PCDHGA4: variants seen among roughly 807,000 people sequenced by gnomAD.
PCDHGA4 encodes the protein protocadherin gamma-A4.
A neutral mutation model predicts 54.6 loss-of-function variants in PCDHGA4; 38 were observed. The ratio of observed to expected loss-of-function variants is 0.70; its 90% CI spans 0.54 to 0.91. The LOEUF (loss-of-function observed/expected upper bound fraction) is 0.91, where lower values mean the gene tolerates loss of function less well. Ranked by LOEUF, PCDHGA4 falls within the 40% of genes least tolerant of loss-of-function variation. PCDHGA4 has a pLI of 0.00. For synonymous variants in PCDHGA4, 511 were observed against 512.9 expected (o/e 1.00, Z 0.05); for missense variants, 1,298 against 1,220.9 (o/e 1.06, Z -0.94).
intron 1 of PCDHGA4, among the ~76,000 whole-genome samples, chr5:141,483,373 G>A (rs1410856257): frequency 6.6e-6 from 1 of 152,166 alleles, no homozygotes; most frequent in Admixed American, 6.5e-5. Flanking sequence ...TGCAATATTT[G>A]AAGAGAAGAT....
chr5:141,404,000 A>T (rs758512396), intron 1 of PCDHGA4: 2 of 1,613,956 alleles, frequency 1.2e-6, no homozygotes, highest in South Asian at 1.1e-5. Context: ...AGTGACCATT[A>T]CATCTCTGTT....
chr5:141,490,345 G>GT lies in PCDHGA4; in HGVS notation c.2515-4461dup, dbSNP rs1363310763. The GT allele has an allele frequency of 6.2e-7, 1 of 1,614,216 alleles. No individual in the cohort carries two copies. The highest frequency in any genetic ancestry group is 2.2e-5 in the East Asian group (1 of 44,886). ...AGAGAGCACACCAGTGGGCACAGTAGTGGGGTTGTTTAATGTGCGAGACCG... is the reference window on the plus strand; with the variant it reads ...AGAGAGCACACCAGTGGGCACAGTAGTTGGGGTTGTTTAATGTGCGAGACCG... On this transcript the variant is annotated intron_variant, in intron 1 of 3. Transcript: ENST00000571252. This position sits in a 1 kb window ranked among gnomAD's most constrained non-coding sequence, Gnocchi z 5.4.
At chr5:141,408,156 T>G (rs1270401832) in intron 1 of PCDHGA4, 2 of 1,512,436 alleles carry the variant, frequency 1.3e-6, no homozygotes, top group East Asian at 2.5e-5. Flanking sequence ...TAGAGTGCAC[T>G]TTCTCCAACT....
intron 1 of PCDHGA4, among the ~76,000 whole-genome samples, chr5:141,482,592 C>T (rs187714622): frequency 1.0e-4 from 15 of 142,934 alleles, no homozygotes; most frequent in East Asian, 6.1e-4. Context: ...TGGGACCAAA[C>T]GGGAAAAAAC....
At chr5:141,361,662 G>A (rs377204571) in intron 1 of PCDHGA4, 3 of 1,613,714 alleles carry the variant, frequency 1.9e-6, no homozygotes, top group Non-Finnish European at 2.5e-6. Context: ...CCGTGAGCGC[G>A]CAGAGCGGGG....
chr5:141,404,617 G>A (rs760355068), intron 1 of PCDHGA4: 4 of 1,614,032 alleles, frequency 2.5e-6, no homozygotes, highest in Non-Finnish European at 2.5e-6. Flanking sequence ...TTTTGGACCA[G>A]AATGACAATG....
At chr5:141,426,492 T>A (rs1439487321) in intron 1 of PCDHGA4, 11 of 336,712 alleles carry the variant, frequency 3.3e-5, no homozygotes, top group South Asian at 2.6e-4. Flanking sequence ...TTAGAGTTAG[T>A]GCAGAGAAAC....
In PCDHGA4 at chr5:141,405,021, C is replaced by T. The variant is rs188043964; in HGVS notation, c.2514+47400C>T. The T allele has an allele frequency of 2.9e-5, 46 of 1,613,980 alleles. No homozygotes were observed. Among genetic ancestry groups the T allele is most frequent in the Non-Finnish European group, 3.7e-5 (44 of 1,179,862 alleles). On this transcript the variant is annotated intron_variant, in intron 1 of 3. Coordinates refer to ENST00000571252, the MANE Select transcript of PCDHGA4 (RefSeq NM_018917.4). ...GCAGACCTGGAGGCCTCAGACCTTA[C>T]CCTCTACCTCGTTGTGGCTGTGGCA...
chr5:141,443,226 A>T (rs2098374954), intron 1 of PCDHGA4, among the ~76,000 whole-genome samples: 1 of 152,042 alleles, frequency 6.6e-6, no homozygotes, highest in Non-Finnish European at 1.5e-5. Flanking sequence ...CGCATCTATA[A>T]TCTTAGCACT....
At chr5:141,407,621 T>C (rs993791058) in intron 1 of PCDHGA4, among the ~76,000 whole-genome samples, 1 of 152,202 alleles carries the variant, frequency 6.6e-6, no homozygotes, top group African/African-American at 2.4e-5. Flanking sequence ...GTTGACATTC[T>C]ATATCTCGTA....
intron 1 of PCDHGA4, among the ~76,000 whole-genome samples, chr5:141,481,913 C>CAAAA (rs34114744): frequency 1.1e-5 from 1 of 90,846 alleles, no homozygotes; most frequent in African/African-American, 4.2e-5. Context: ...AACTCCATCT[C>CAAAA]AAAAAAAAAA....
chr5:141,375,487 T>G, intron 1 of PCDHGA4: 1 of 1,613,830 alleles, frequency 6.2e-7, no homozygotes, highest in Non-Finnish European at 8.5e-7. Context: ...ACCCCAGGGG[T>G]GCCTCCATCT....
At chr5:141,479,862 C>T (rs2099508997) in intron 1 of PCDHGA4, among the ~76,000 whole-genome samples, 1 of 152,170 alleles carries the variant, frequency 6.6e-6, no homozygotes, top group Non-Finnish European at 1.5e-5. Flanking sequence ...GGCCTTTGCC[C>T]TGGAGAGAAC....
rs200045647 is a variant in PCDHGA4, at chr5:141,490,150, G to A, written c.2515-4657G>A. 50 of 1,614,246 alleles carry A rather than the reference G, an allele frequency of 3.1e-5. No individual in the cohort carries two copies. The Admixed American group carries it at 7.7e-4, about 25-fold the overall frequency. On this transcript the variant is annotated intron_variant, in intron 1 of 3. Transcript: ENST00000571252. The surrounding 1 kb of genome is among the most constrained non-coding windows in gnomAD (Gnocchi z 5.4). ...AGACCCTAGCAGTGGGGCAATCCAT[G>A]TGTTGGGTCCCATAGACTTTGAGGA...
intron 1 of PCDHGA4, among the ~76,000 whole-genome samples, chr5:141,381,049 T>C (rs1384350654): frequency 2.0e-5 from 3 of 152,252 alleles, no homozygotes; most frequent in Admixed American, 2.0e-4. Context: ...TTATCTACTT[T>C]GTGAATGCAA....
intron 1 of PCDHGA4, among the ~76,000 whole-genome samples, chr5:141,434,854 A>G (rs2097723190): frequency 6.6e-6 from 1 of 151,936 alleles, no homozygotes; most frequent in Admixed American, 6.6e-5. Context: ...ACATCAATAA[A>G]TTTATATATA....
chr5:141,399,414 C>T, intron 1 of PCDHGA4: 1 of 1,614,034 alleles, frequency 6.2e-7, no homozygotes, highest in East Asian at 2.2e-5. Flanking sequence ...CGCCCCTCTC[C>T]TCCAGCATAA....
At chr5:141,444,561 G>A (rs1554133061) in intron 1 of PCDHGA4, among the ~76,000 whole-genome samples, 2 of 152,098 alleles carry the variant, frequency 1.3e-5, no homozygotes, top group Non-Finnish European at 2.9e-5. Context: ...GCACTTATTT[G>A]ACACTTTTGA....
intron 2 of PCDHGA4, among the ~76,000 whole-genome samples, chr5:141,503,681 A>C (rs1313633991): frequency 6.6e-6 from 1 of 152,102 alleles, no homozygotes; most frequent in Non-Finnish European, 1.5e-5. Context: ...ACTTTTGGGA[A>C]GGAGAATTGA....
Sources: gnomAD v4.1 joint callset for allele counts (sites outside exome capture counted in the v4.1 genomes callset) on GRCh38, gnomAD v4.1.1 for gene constraint, Gnocchi (gnomAD v3.1) non-coding constraint, MANE v1.5 for transcripts, NCBI Gene and HGNC (gene_info 2026-07-23, HGNC 2026-07-21) for gene names.